MGAT4C: variants seen among roughly 807,000 people sequenced by gnomAD.
MGAT4C encodes MGAT4 family member C.
In MGAT4C, 19 loss-of-function variants were observed where a neutral mutation model predicts 40.1. The observed-to-expected ratio is 0.47, with a 90% CI of 0.33 to 0.70. The LOEUF (loss-of-function observed/expected upper bound fraction) is 0.70. Among genes scored for constraint, MGAT4C ranks in the 30% least tolerant of loss-of-function variants. MGAT4C has a pLI of 0.02. For synonymous variants in MGAT4C, 181 were observed against 187.1 expected, an observed-to-expected ratio of 0.97 and a Z score of 0.27; for missense variants, 491 against 563.2, an observed-to-expected ratio of 0.87 and a Z score of 1.30.
At position 86,316,825 on chromosome 12, in the gene MGAT4C, C is replaced by T. The variant is rs542971242; in HGVS notation, c.-57+17240G>A. ...AAACCTCAACATCACACAATATACC[C>T]ATGTAACAAGCCTGCCTACGTACCA... On this transcript the variant is annotated intron_variant, in intron 4 of 7. Transcript: ENST00000548651. Among the ~76,000 whole-genome samples, 4 of 152,116 alleles carry T rather than the reference C, an allele frequency of 2.6e-5. 1 individual carries two copies. Among genetic ancestry groups the T allele is most frequent in the Admixed American group, 1.3e-4 (2 of 15,276 alleles).
At chr12:86,389,849 G>A (rs944212783) in intron 3 of MGAT4C, among the ~76,000 whole-genome samples, 3 of 151,868 alleles carry the variant, frequency 2.0e-5, no homozygotes, top group Admixed American at 1.3e-4. Flanking sequence ...TGAATGTTAA[G>A]GATTTCTTTT....
chr12:85,956,507 A>G lies in MGAT4C; in HGVS notation c.*22782T>C, dbSNP rs1048487575. The G allele has an allele frequency of 1.3e-5, 2 of 152,226 alleles. No individual in the cohort carries two copies. The highest frequency in any genetic ancestry group is 1.9e-4 in the East Asian group (1 of 5,196). 9.4% of individuals were successfully genotyped at this position (152,226 alleles called of 1,614,324 possible). A position where few individuals can be genotyped will look rare whatever the true frequency, so the allele number is the denominator to read the frequency against. ...GACCAATTGAAAAACTTACTAAAAT[A>G]TGGTTTTGGGACACCTGTTGGGAAC... is the stretch of plus-strand genomic sequence containing the variant. On this transcript the variant is annotated 3_prime_UTR_variant, in exon 5 of 5. Coordinates refer to ENST00000611864, the MANE Select transcript of MGAT4C (RefSeq NM_001351288.2).
intron 2 of MGAT4C, 106 bp downstream of exon 2, chr12:86,049,568 G>T: frequency 5.6e-6 from 2 of 355,098 alleles, no homozygotes; most frequent in Non-Finnish European, 7.9e-6. Context: ...TTCAATTTAG[G>T]CATGTGTAGC....
At chr12:86,450,532 T>G (rs1372764603) in intron 2 of MGAT4C, among the ~76,000 whole-genome samples, 1 of 152,112 alleles carries the variant, frequency 6.6e-6, no homozygotes, top group Non-Finnish European at 1.5e-5. Context: ...TTCCAATTTT[T>G]CCCTTTATAC....
chr12:86,252,076 G>A (rs1952310652), intron 1 of MGAT4C, among the ~76,000 whole-genome samples: 1 of 151,996 alleles, frequency 6.6e-6, no homozygotes, highest in Non-Finnish European at 1.5e-5. Flanking sequence ...CAGTTCGAAT[G>A]TGAACAAGCT....
chr12:86,453,893 T>G (rs146153042), intron 2 of MGAT4C, among the ~76,000 whole-genome samples: 160 of 152,134 alleles, frequency 1.1e-3, no homozygotes, highest in African/African-American at 3.7e-3. Context: ...CATATCAAAT[T>G]TGTCCCACAA....
intron 1 of MGAT4C, among the ~76,000 whole-genome samples, chr12:86,765,172 G>T (rs933186580): frequency 1.3e-5 from 2 of 152,192 alleles, no homozygotes; most frequent in Non-Finnish European, 2.9e-5. Context: ...AGTGCTTAAA[G>T]GAGCTGATGG....
chr12:86,696,451 A>G (rs1950260697), intron 2 of MGAT4C, among the ~76,000 whole-genome samples: 1 of 152,216 alleles, frequency 6.6e-6, no homozygotes, highest in Non-Finnish European at 1.5e-5. Context: ...AAGTCAGAAC[A>G]GTCATCTCAA....
intron 2 of MGAT4C, among the ~76,000 whole-genome samples, chr12:86,632,995 G>A (rs945000446): frequency 6.6e-6 from 1 of 151,758 alleles, no homozygotes; most frequent in South Asian, 2.1e-4. Context: ...TTTATTATGG[G>A]TACTATATTG....
At chr12:86,002,552 T>C (rs943589496) in intron 2 of MGAT4C, 4 of 151,572 alleles carry the variant, frequency 2.6e-5, no homozygotes, top group Non-Finnish European at 5.9e-5. Context: ...ATAAAACCTT[T>C]AAGATCTCTT....
intron 1 of MGAT4C, among the ~76,000 whole-genome samples, chr12:86,741,288 A>T (rs1417701490): frequency 6.6e-6 from 1 of 151,348 alleles, no homozygotes; most frequent in East Asian, 1.9e-4. Flanking sequence ...GACATTTAAA[A>T]TGGTTTTAGA....
intron 2 of MGAT4C, among the ~76,000 whole-genome samples, chr12:86,037,697 G>GTT (rs2136925897): frequency 6.7e-6 from 1 of 149,930 alleles, no homozygotes; most frequent in South Asian, 2.1e-4. Context: ...GCTGAGGAGT[G>GTT]TTTTACTTCC....
chr12:86,027,715 T>A (rs1890362910), intron 2 of MGAT4C, among the ~76,000 whole-genome samples: 2 of 151,972 alleles, frequency 1.3e-5, no homozygotes, highest in Non-Finnish European at 2.9e-5. Flanking sequence ...ATGTTAAGCA[T>A]AATTTAATAT....
At chr12:86,111,700 GCTTAA>G (rs1877444371) in intron 1 of MGAT4C, among the ~76,000 whole-genome samples, 1 of 151,726 alleles carries the variant, frequency 6.6e-6, no homozygotes, top group Non-Finnish European at 1.5e-5. Context: ...CTTTTTGAAA[GCTTAA>G]CTAGAGTGGC....
At chr12:86,449,897 G>T (rs1352283137) in intron 2 of MGAT4C, among the ~76,000 whole-genome samples, 1 of 151,998 alleles carries the variant, frequency 6.6e-6, no homozygotes, top group Non-Finnish European at 1.5e-5. Context: ...TGTTTAATGG[G>T]TGCAGAGTTT....
intron 1 of MGAT4C, among the ~76,000 whole-genome samples, chr12:86,078,567 A>C (rs1555219367): frequency 6.6e-6 from 1 of 152,196 alleles, no homozygotes; most frequent in Non-Finnish European, 1.5e-5. Context: ...ACCTGCCACC[A>C]GGTAGTTGGC....
At chr12:86,770,829 T>G (rs1443055348) in intron 1 of MGAT4C, among the ~76,000 whole-genome samples, 1 of 152,122 alleles carries the variant, frequency 6.6e-6, no homozygotes, top group East Asian at 1.9e-4. Flanking sequence ...TTTAAGTTGT[T>G]TTTCTAGAAA....
At chr12:86,651,208 A>G (rs575913816) in intron 2 of MGAT4C, among the ~76,000 whole-genome samples, 233 of 152,044 alleles carry the variant, frequency 1.5e-3, no homozygotes, top group Non-Finnish European at 2.9e-3. Flanking sequence ...ACTGTGATCT[A>G]TTAGAGAAGC....
At chr12:86,728,622 C>A (rs1950861325) in intron 1 of MGAT4C, among the ~76,000 whole-genome samples, 1 of 152,104 alleles carries the variant, frequency 6.6e-6, no homozygotes, top group South Asian at 2.1e-4. Flanking sequence ...ACCCGGGAGG[C>A]AGAGGTTACA....
Sources: gnomAD v4.1 joint callset for allele counts (sites outside exome capture counted in the v4.1 genomes callset) on GRCh38, gnomAD v4.1.1 for gene constraint, MANE v1.5 for transcripts, NCBI Gene and HGNC (gene_info 2026-07-23, HGNC 2026-07-21) for gene names.